MRPS6: variants seen among roughly 807,000 people sequenced by gnomAD.
MRPS6 encodes the protein mitochondrial ribosomal protein S6.
Under a neutral mutation model 13.1 loss-of-function variants are expected in MRPS6, and 6 were observed. The observed-to-expected ratio is 0.46, with a 90% CI of 0.25 to 0.91. MRPS6 has a LOEUF of 0.91. Among genes scored for constraint, MRPS6 ranks in the 40% least tolerant of loss-of-function variants. The pLI is 0.18. For synonymous variants in MRPS6, 61 were observed against 56.5 expected (o/e 1.08, Z -0.36); for missense variants, 164 against 155.6 (o/e 1.05, Z -0.29).
At chr21:34,074,134 A>G (rs1183181121) in intron 1 of MRPS6, among the ~76,000 whole-genome samples, 1 of 148,458 alleles carries the variant, frequency 6.7e-6, no homozygotes, top group African/African-American at 2.4e-5. Context: ...CGTCCCCGCC[A>G]GTCGTGAAGC....
intron 1 of MRPS6, chr21:34,104,664 C>T (rs754877152): frequency 1.0e-6 from 1 of 1,000,154 alleles, no homozygotes; most frequent in South Asian, 4.7e-5. Flanking sequence ...GAGCCTACCA[C>T]ATTATTTGAG....
At chr21:34,099,618 C>A in intron 1 of MRPS6, 1 of 998,802 alleles carries the variant, frequency 1.0e-6, no homozygotes. Context: ...TTTTTTCTCC[C>A]TTTATTTAAC....
At chr21:34,077,554 G>T (rs367864232) in intron 1 of MRPS6, among the ~76,000 whole-genome samples, 67 of 152,238 alleles carry the variant, frequency 4.4e-4, no homozygotes, top group African/African-American at 1.6e-3. Context: ...TCCATTGCAT[G>T]TACAATAAGA....
intron 1 of MRPS6, among the ~76,000 whole-genome samples, chr21:34,093,778 A>G (rs1328318522): frequency 2.0e-5 from 3 of 152,218 alleles, no homozygotes; most frequent in Non-Finnish European, 4.4e-5. Flanking sequence ...TCAAATTTTA[A>G]TACATTTAAT....
Position 34,138,746 on chromosome 21 carries a change from A to G in MRPS6, c.186-3662A>G, listed in dbSNP as rs527655583. Among the ~76,000 whole-genome samples, 7 of 152,314 alleles carry G rather than the reference A, an allele frequency of 4.6e-5. No homozygotes were observed. The East Asian group carries it at 7.7e-4, about 17-fold the overall frequency. On this transcript the variant is annotated intron_variant, in intron 2 of 2. Transcript: ENST00000399312. Reference sequence around the variant, plus strand: ...ACTTTTACACTGTTGGTTGGACTGTAAACTAGTTCAACCATTGTGGAAGTC... The same window carrying G: ...ACTTTTACACTGTTGGTTGGACTGTGAACTAGTTCAACCATTGTGGAAGTC...
intron 2 of MRPS6, among the ~76,000 whole-genome samples, chr21:34,140,226 T>C (rs770607378): frequency 6.6e-6 from 1 of 152,132 alleles, no homozygotes; most frequent in Non-Finnish European, 1.5e-5. Flanking sequence ...TCGAGGCCTT[T>C]TTTTTTTTCT....
chr21:34,074,958 C>T (rs1352360444), intron 1 of MRPS6, among the ~76,000 whole-genome samples: 1 of 152,228 alleles, frequency 6.6e-6, no homozygotes. Context: ...CCTGGCCAGG[C>T]ATGCCATTGT....
chr21:34,101,765 G>C, intron 1 of MRPS6: 1 of 995,740 alleles, frequency 1.0e-6, no homozygotes, highest in Non-Finnish European at 1.2e-6. Context: ...TAAGTATACT[G>C]AATTTCTGTT....
intron 1 of MRPS6, among the ~76,000 whole-genome samples, chr21:34,110,073 A>G (rs1168826211): frequency 1.3e-5 from 2 of 152,150 alleles, no homozygotes; most frequent in African/African-American, 2.4e-5. Flanking sequence ...CTGAGATAAC[A>G]TGTTGCCTAC....
At chr21:34,081,696 G>A (rs1277246255) in intron 1 of MRPS6, among the ~76,000 whole-genome samples, 1 of 152,178 alleles carries the variant, frequency 6.6e-6, no homozygotes, top group African/African-American at 2.4e-5. Context: ...GGTATTTGAA[G>A]ATAAAGTGGT....
chr21:34,086,294 T>C (rs897626368), intron 1 of MRPS6, among the ~76,000 whole-genome samples: 1 of 152,192 alleles, frequency 6.6e-6, no homozygotes, highest in Non-Finnish European at 1.5e-5. Context: ...GTCTGCATTT[T>C]AGAGAAAAGA....
At chr21:34,132,380 C>T (rs1381184766) in intron 2 of MRPS6, among the ~76,000 whole-genome samples, 2 of 152,156 alleles carry the variant, frequency 1.3e-5, no homozygotes, top group East Asian at 1.9e-4. Context: ...AGCAGCAGGA[C>T]GACAAGCATG....
At chr21:34,115,828 A>C (rs952002784) in intron 1 of MRPS6, among the ~76,000 whole-genome samples, 2 of 152,170 alleles carry the variant, frequency 1.3e-5, no homozygotes, top group African/African-American at 4.8e-5. Flanking sequence ...TAAAAGAAAA[A>C]AAAATGGAAT....
At chr21:34,101,422 T>C (rs185732400) in intron 1 of MRPS6, 37 of 1,000,210 alleles carry the variant, frequency 3.7e-5, no homozygotes, top group East Asian at 2.3e-4. Context: ...CTTCAGTATT[T>C]GTAAGATTTT....
At chr21:34,090,936 ATCTG>A (rs1397338684) in intron 1 of MRPS6, among the ~76,000 whole-genome samples, 2 of 152,156 alleles carry the variant, frequency 1.3e-5, no homozygotes, top group African/African-American at 2.4e-5. Context: ...GAATCATGAA[ATCTG>A]TCTGTTGGGG....
At chr21:34,130,354 C>T (rs906379142) in intron 2 of MRPS6, among the ~76,000 whole-genome samples, 10 of 152,212 alleles carry the variant, frequency 6.6e-5, no homozygotes, top group East Asian at 3.9e-4. Flanking sequence ...CTAGGGGAGT[C>T]GGGGAAGGGC....
chr21:34,102,155 G>A lies in MRPS6; in HGVS notation c.46-23186G>A, dbSNP rs530488355. ...GAATGTTTTTGTCAGACTGTCCTTT[G>A]TTGGAATACTTTAGCTGTTCAGCTA... On this transcript the variant is annotated intron_variant, in intron 1 of 2. Transcript: ENST00000399312. 26 of 1,000,090 alleles carry A rather than the reference G, an allele frequency of 2.6e-5. No homozygotes were observed. The South Asian group carries it at 1.2e-3, about 45-fold the overall frequency. 62.0% of individuals were successfully genotyped at this position (1,000,090 alleles called of 1,614,324 possible).
chr21:34,109,193 C>T (rs753288088), intron 1 of MRPS6, among the ~76,000 whole-genome samples: 18 of 152,074 alleles, frequency 1.2e-4, no homozygotes, highest in Admixed American at 2.0e-4. Flanking sequence ...AAGGTACTGT[C>T]GTCTTCCACT....
At chr21:34,105,074 A>T in intron 1 of MRPS6, 1 of 1,000,204 alleles carries the variant, frequency 1.0e-6, no homozygotes, top group Non-Finnish European at 1.2e-6. Flanking sequence ...GGGGTTATTA[A>T]AATGCAAAAG....
Sources: allele counts gnomAD v4.1 joint callset (sites outside exome capture counted in the v4.1 genomes callset), GRCh38; gene constraint gnomAD v4.1.1; transcripts MANE v1.5; gene names NCBI Gene and HGNC (gene_info 2026-07-23, HGNC 2026-07-21).